Variants in C1QTNF3 observed in about 807,000 individuals in gnomAD.
C1QTNF3 encodes C1q and TNF related 3.
C1QTNF3 carries 26 observed loss-of-function variants against 32.6 expected under a neutral mutation model. That is an observed-to-expected ratio of 0.80 (90% CI 0.58 to 1.11). C1QTNF3 has a LOEUF of 1.11. Ranked by LOEUF, C1QTNF3 falls within the 50% of genes least tolerant of loss-of-function variation. The pLI is 0.00. For synonymous variants in C1QTNF3, 155 were observed against 146.0 expected, an observed-to-expected ratio of 1.06 and a Z score of -0.44; for missense variants, 362 against 398.2, an observed-to-expected ratio of 0.91 and a Z score of 0.77.
chr5:34,062,254 C>T, the C1QTNF3 span, among the ~76,000 whole-genome samples: 1 of 152,100 alleles, frequency 6.6e-6, no homozygotes, highest in African/African-American at 2.4e-5. Context: ...AGGTGCAGTC[C>T]CATAAACAAC....
the C1QTNF3 span, among the ~76,000 whole-genome samples, chr5:34,160,526 C>A: frequency 1.3e-5 from 2 of 152,142 alleles, no homozygotes; most frequent in African/African-American, 4.8e-5. Flanking sequence ...CTACCGTTCA[C>A]CAACACTGGG....
chr5:34,175,971 C>A, the C1QTNF3 span: 2 of 805,334 alleles, frequency 2.5e-6, no homozygotes, highest in Non-Finnish European at 4.5e-6. Flanking sequence ...GGAATCAAGG[C>A]AAAGAGAAGA....
At chr5:34,056,270 T>C in the C1QTNF3 span, among the ~76,000 whole-genome samples, 1 of 151,828 alleles carries the variant, frequency 6.6e-6, no homozygotes, top group African/African-American at 2.4e-5. Context: ...ATGTGTGCAA[T>C]CCTGGATGTT....
chr5:34,208,126 GATT>G, the C1QTNF3 span, among the ~76,000 whole-genome samples: 1 of 151,948 alleles, frequency 6.6e-6, no homozygotes, highest in East Asian at 1.9e-4. Context: ...CTAAATGAAT[GATT>G]ATTTAGTCTT....
At chr5:34,107,642 A>G in the C1QTNF3 span, among the ~76,000 whole-genome samples, 1 of 152,104 alleles carries the variant, frequency 6.6e-6, no homozygotes, top group Non-Finnish European at 1.5e-5. Flanking sequence ...CTAATACAAC[A>G]GCAGGACCTA....
At position 34,032,122 on chromosome 5, in the gene C1QTNF3, G is replaced by C. The variant is rs139424007; in HGVS notation, c.570+1182C>G. On this transcript the variant is annotated intron_variant, in intron 3 of 5. Coordinates refer to ENST00000382065, the MANE Select transcript of C1QTNF3 (RefSeq NM_181435.6). ...TTTTTGGGAAGACACTAGTCAGAAA[G>C]AAACTTAATTTTTAAAAAATGCTAG... Among the ~76,000 whole-genome samples, 803 of 152,304 alleles carry C rather than the reference G, an allele frequency of 5.3e-3. 7 individuals are homozygous for C. The highest frequency in any genetic ancestry group is 0.018 in the African/African-American group (761 of 41,562).
At chr5:34,209,469 A>C in the C1QTNF3 span, among the ~76,000 whole-genome samples, 4 of 151,094 alleles carry the variant, frequency 2.6e-5, no homozygotes, top group African/African-American at 9.8e-5. Context: ...AAATAAATTT[A>C]GAAATGGAAA....
intron 1 of C1QTNF3, among the ~76,000 whole-genome samples, chr5:34,036,794 A>G (rs6451052): frequency 0.46 from 69,973 of 151,858 alleles, 17,174 homozygotes; most frequent in Non-Finnish European, 0.55. Context: ...TCTACTAAAA[A>G]TACAAAAATT....
the C1QTNF3 span, among the ~76,000 whole-genome samples, chr5:34,091,027 T>C: frequency 3.9e-5 from 6 of 152,228 alleles, no homozygotes; most frequent in African/African-American, 1.4e-4. Context: ...CCTTGGTATT[T>C]GTAGGGGAAG....
the C1QTNF3 span, among the ~76,000 whole-genome samples, chr5:34,118,236 C>T: frequency 1.4e-4 from 22 of 152,034 alleles, no homozygotes; most frequent in African/African-American, 4.8e-4. Flanking sequence ...CACACCACCA[C>T]GCCTGTTAAT....
At chr5:34,155,951 AAT>A in the C1QTNF3 span, among the ~76,000 whole-genome samples, 1 of 152,234 alleles carries the variant, frequency 6.6e-6, no homozygotes, top group Non-Finnish European at 1.5e-5. Context: ...TTGATATTGC[AAT>A]AGACTTTTAA....
At chr5:34,054,618 C>G in the C1QTNF3 span, among the ~76,000 whole-genome samples, 1 of 152,196 alleles carries the variant, frequency 6.6e-6, no homozygotes. Context: ...ACTCCAGGAT[C>G]TTCTTGACTG....
chr5:34,223,457 G>C, the C1QTNF3 span, among the ~76,000 whole-genome samples: 1 of 148,450 alleles, frequency 6.7e-6, no homozygotes, highest in Non-Finnish European at 1.5e-5. Context: ...CTTTGCTATT[G>C]TGAATAGTGC....
the C1QTNF3 span, among the ~76,000 whole-genome samples, chr5:34,209,392 C>G: frequency 6.0e-5 from 9 of 150,844 alleles, no homozygotes; most frequent in Non-Finnish European, 1.0e-4. Flanking sequence ...TATAACAAAC[C>G]TGCACATATA....
the C1QTNF3 span, chr5:34,124,524 C>T: frequency 1.4e-5 from 10 of 704,820 alleles, no homozygotes; most frequent in East Asian, 2.7e-5. Context: ...GGAGGCACTA[C>T]TCACCTGTAA....
chr5:34,158,672 T>C, the C1QTNF3 span: 1 of 152,170 alleles, frequency 6.6e-6, no homozygotes, highest in Non-Finnish European at 1.5e-5. Flanking sequence ...TGATTTCATA[T>C]GTGGAAATTC....
chr5:34,136,654 T>C, the C1QTNF3 span, among the ~76,000 whole-genome samples: 2 of 152,246 alleles, frequency 1.3e-5, no homozygotes, highest in East Asian at 1.9e-4. Context: ...ACTGGGTATA[T>C]ACTCAAAAGA....
chr5:34,171,282 T>C, the C1QTNF3 span, among the ~76,000 whole-genome samples: 1 of 151,820 alleles, frequency 6.6e-6, no homozygotes, highest in Non-Finnish European at 1.5e-5. Flanking sequence ...TTCAGCAAGT[T>C]TATAAATCTC....
the C1QTNF3 span, among the ~76,000 whole-genome samples, chr5:34,220,832 A>G: frequency 2.6e-5 from 4 of 152,046 alleles, no homozygotes; most frequent in South Asian, 8.3e-4. Flanking sequence ...AATATAAAGC[A>G]TGTGAGCCCT....
Sources: gnomAD v4.1 joint callset for allele counts (sites outside exome capture counted in the v4.1 genomes callset) on GRCh38, gnomAD v4.1.1 for gene constraint, MANE v1.5 for transcripts, NCBI Gene and HGNC (gene_info 2026-07-23, HGNC 2026-07-21) for gene names.